Variants in CACNA1C observed in about 807,000 individuals in gnomAD.
The protein encoded by CACNA1C is calcium voltage-gated channel subunit alpha1 C.
Under a neutral mutation model 229.0 loss-of-function variants are expected in CACNA1C, and 30 were observed. The observed-to-expected ratio is 0.13, with a 90% CI of 0.10 to 0.18. The LOEUF is 0.18. Among genes scored for constraint, CACNA1C ranks in the 10% least tolerant of loss-of-function variants. The probability of loss-of-function intolerance (pLI) is 1.00; values close to 1 mark genes in which losing one functional copy is unlikely to be tolerated. For synonymous variants in CACNA1C, 1,114 were observed against 1,132.5 expected (o/e 0.98, Z 0.33); for missense variants, 1,658 against 2,845.0 (o/e 0.58, Z 9.49).
intron 18 of CACNA1C, among the ~76,000 whole-genome samples, chr12:2,592,931 C>T (rs148240838): frequency 6.6e-6 from 1 of 152,094 alleles, no homozygotes; most frequent in East Asian, 1.9e-4. Flanking sequence ...CCCCAGTTTG[C>T]CCAGAACTAG....
intron 3 of CACNA1C, among the ~76,000 whole-genome samples, chr12:2,411,062 G>A (rs908839078): frequency 2.6e-5 from 4 of 152,076 alleles, no homozygotes; most frequent in Admixed American, 6.6e-5. Flanking sequence ...CTAGATCAGC[G>A]CAAATCTCAC....
At chr12:2,363,080 T>C (rs1196374449) in intron 3 of CACNA1C, among the ~76,000 whole-genome samples, 2 of 152,142 alleles carry the variant, frequency 1.3e-5, no homozygotes, top group Non-Finnish European at 2.9e-5. Context: ...GAGTGAGCTC[T>C]TGCACTCCCA....
intron 5 of CACNA1C, among the ~76,000 whole-genome samples, chr12:2,462,967 C>A (rs1220793375): frequency 7.2e-6 from 1 of 139,536 alleles, no homozygotes; most frequent in Non-Finnish European, 1.5e-5. Context: ...GGCTGGAGTG[C>A]AGTGGTGTGA....
At chr12:2,117,139 C>T (rs1227458151) in intron 2 of CACNA1C, among the ~76,000 whole-genome samples, 2 of 152,122 alleles carry the variant, frequency 1.3e-5, no homozygotes, top group African/African-American at 2.4e-5. Context: ...GGCGTTGGGG[C>T]ACATGCCAGT....
intron 1 of CACNA1C, among the ~76,000 whole-genome samples, chr12:2,100,539 T>C (rs2075951097): frequency 8.1e-6 from 1 of 123,098 alleles, no homozygotes; most frequent in South Asian, 2.5e-4. Flanking sequence ...CACTTGAGCC[T>C]AGGGGTTCAG....
chr12:2,494,655 G>C (rs986415656), intron 7 of CACNA1C, among the ~76,000 whole-genome samples: 2 of 152,226 alleles, frequency 1.3e-5, no homozygotes, highest in Non-Finnish European at 2.9e-5. Flanking sequence ...GAGAGGCGTT[G>C]ACTTCTTCCT....
intron 1 of CACNA1C, among the ~76,000 whole-genome samples, chr12:2,023,175 G>A (rs1481446455): frequency 1.3e-5 from 2 of 152,208 alleles, no homozygotes; most frequent in Non-Finnish European, 2.9e-5. Context: ...TGCTTTGGTG[G>A]TGGTGCATCG....
intron 3 of CACNA1C, among the ~76,000 whole-genome samples, chr12:2,131,695 T>G (rs1051393722): frequency 2.0e-5 from 3 of 148,026 alleles, no homozygotes; most frequent in African/African-American, 5.0e-5. Context: ...CCATGCTGTT[T>G]TGGTTACTGT....
intron 9 of CACNA1C, among the ~76,000 whole-genome samples, chr12:2,514,653 A>C (rs1319364136): frequency 1.3e-5 from 2 of 152,196 alleles, no homozygotes; most frequent in Non-Finnish European, 2.9e-5. Context: ...ACCCTAAGTC[A>C]GAGCACTGGT....
chr12:2,301,245 G>A (rs111770906), intron 3 of CACNA1C, among the ~76,000 whole-genome samples: 2 of 152,166 alleles, frequency 1.3e-5, no homozygotes, highest in Non-Finnish European at 2.9e-5. Flanking sequence ...CTGTGCCATC[G>A]CTTAGAGGGT....
intron 3 of CACNA1C, among the ~76,000 whole-genome samples, chr12:2,271,699 A>C (rs2085059961): frequency 6.6e-6 from 1 of 151,966 alleles, no homozygotes; most frequent in East Asian, 1.9e-4. Flanking sequence ...CAGGAGTTTG[A>C]CACCAGCCTG....
chr12:2,684,122 A>G (rs1328981056), intron 43 of CACNA1C, among the ~76,000 whole-genome samples: 1 of 152,234 alleles, frequency 6.6e-6, no homozygotes, highest in African/African-American at 2.4e-5. Context: ...CCAGCACAGC[A>G]TGCGGCTTCC....
intron 1 of CACNA1C, among the ~76,000 whole-genome samples, chr12:2,077,768 A>G (rs1046684285): frequency 2.0e-5 from 3 of 152,140 alleles, no homozygotes; most frequent in Non-Finnish European, 4.4e-5. Flanking sequence ...AAGGGAGATG[A>G]GAAACTCTGT....
intron 3 of CACNA1C, among the ~76,000 whole-genome samples, chr12:2,344,592 A>G (rs1429310968): frequency 6.6e-6 from 1 of 152,076 alleles, no homozygotes; most frequent in East Asian, 1.9e-4. Flanking sequence ...TCCTCCCTCA[A>G]TAGTGTCTTG....
At chr12:2,513,765 G>A (rs923781783) in intron 9 of CACNA1C, among the ~76,000 whole-genome samples, 6 of 152,194 alleles carry the variant, frequency 3.9e-5, no homozygotes, top group African/African-American at 1.4e-4. Flanking sequence ...CTGGAAACTT[G>A]TTAGAAATGC....
In CACNA1C at chr12:2,438,343, G is replaced by GATGGTGGTGGTA. The variant is rs1555574577; in HGVS notation, c.478-10630_478-10629insGTGGTGGTAATG. 4.2e-3 allele frequency among the ~76,000 whole-genome samples: 407 copies of GATGGTGGTGGTA among 97,070 alleles called. 2 individuals carry two copies. Among genetic ancestry groups the GATGGTGGTGGTA allele is most frequent in the African/African-American group, 0.015 (380 of 25,932 alleles). 63.7% of individuals were successfully genotyped at this position (97,070 alleles called of 152,430 possible). On this transcript the variant is annotated intron_variant, in intron 3 of 46. Coordinates refer to ENST00000399655, the MANE Select transcript of CACNA1C (RefSeq NM_000719.7). Reference sequence around the variant, plus strand: ...TGATGGTGGGGATGGTGATGATAATGATGATGGTGGTGGTAATGATGGTGG... The same window carrying GATGGTGGTGGTA: ...TGATGGTGGGGATGGTGATGATAATGATGGTGGTGGTAATGATGGTGGTGGTAATGATGGTGG...
intron 9 of CACNA1C, among the ~76,000 whole-genome samples, chr12:2,535,326 T>G (rs1599187302): frequency 1.3e-5 from 2 of 150,208 alleles, no homozygotes; most frequent in East Asian, 4.0e-4. Context: ...GGAGTGGAGC[T>G]TGCAGTGAGC....
chr12:2,328,239 C>A (rs914727184), intron 3 of CACNA1C, among the ~76,000 whole-genome samples: 14 of 152,222 alleles, frequency 9.2e-5, no homozygotes, highest in Admixed American at 9.2e-4. Flanking sequence ...CCAGTTCTTT[C>A]TTCTTAGTAC....
chr12:2,192,727 C>T (rs1043182689), intron 3 of CACNA1C, among the ~76,000 whole-genome samples: 3 of 151,432 alleles, frequency 2.0e-5, no homozygotes, highest in Non-Finnish European at 4.4e-5. Flanking sequence ...CCCACTCTCC[C>T]CCTCCTCCAC....
Sources: gnomAD v4.1 joint callset for allele counts (sites outside exome capture counted in the v4.1 genomes callset) on GRCh38, gnomAD v4.1.1 for gene constraint, MANE v1.5 for transcripts, NCBI Gene and HGNC (gene_info 2026-07-23, HGNC 2026-07-21) for gene names.